Variants in PRKCE observed in about 807,000 individuals in gnomAD.
PRKCE encodes protein kinase C epsilon.
Under a neutral mutation model 85.4 loss-of-function variants are expected in PRKCE, and 16 were observed. The ratio of observed to expected loss-of-function variants is 0.19; its 90% CI spans 0.13 to 0.28. The LOEUF is 0.28. PRKCE is among the 10% of genes least tolerant of loss of function. The pLI, the probability that PRKCE is intolerant of heterozygous loss-of-function variation, is 1.00. For missense variants in PRKCE, 573 were observed against 975.2 expected (o/e 0.59, Z 5.49); for synonymous variants, 388 against 371.5 (o/e 1.04, Z -0.51).
intron 1 of PRKCE, among the ~76,000 whole-genome samples, chr2:45,805,596 CTTTTTTT>C (rs529307964): frequency 7.0e-6 from 1 of 142,606 alleles, no homozygotes; most frequent in Non-Finnish European, 1.5e-5. Flanking sequence ...TTACCTTCCT[CTTTTTTT>C]TTTTTTTTGT....
At chr2:45,699,837 G>A (rs1296843941) in intron 1 of PRKCE, among the ~76,000 whole-genome samples, 1 of 152,140 alleles carries the variant, frequency 6.6e-6, no homozygotes, top group African/African-American at 2.4e-5. Flanking sequence ...TTGGAATCCC[G>A]GAAGGCACCA....
intron 4 of PRKCE, 126 bp from the exon 5 acceptor site, chr2:45,980,170 A>G: frequency 1.3e-6 from 1 of 759,484 alleles, no homozygotes; most frequent in Non-Finnish European, 2.1e-6. Context: ...GGAGGGTATT[A>G]AATTAAGGCT....
intron 2 of PRKCE, among the ~76,000 whole-genome samples, chr2:45,958,153 A>T (rs956760177): frequency 7.0e-6 from 1 of 142,440 alleles, no homozygotes; most frequent in Non-Finnish European, 1.5e-5. Context: ...GAAAATGGTG[A>T]TGGAGTTATA....
In PRKCE at chr2:45,903,907, G is replaced by GT. The variant is rs1375771003; in HGVS notation, c.412+60847dup. Among the ~76,000 whole-genome samples the GT allele has an allele frequency of 9.7e-3, 794 of 82,022 alleles. 32 individuals carry two copies. Among genetic ancestry groups the GT allele is most frequent in the African/African-American group, 0.028 (727 of 26,324 alleles). The allele number at this position is 82,022 out of a possible 152,430, so 53.8% of individuals were successfully genotyped here. ...TTTTTTTTTGTTTGTTTGTTTGTTT[G>GT]TTTGTTTGTTTTTTTTGGCAGGGTC... On this transcript the variant is annotated intron_variant, in intron 2 of 14. Coordinates refer to ENST00000306156, the MANE Select transcript of PRKCE (RefSeq NM_005400.3).
intron 13 of PRKCE, among the ~76,000 whole-genome samples, chr2:46,157,950 T>TAGA (rs1677378367): frequency 6.6e-6 from 1 of 152,214 alleles, no homozygotes; most frequent in African/African-American, 2.4e-5. Context: ...ATTTGTATCA[T>TAGA]AGAAGTATGC....
At chr2:46,051,650 G>C (rs996589721) in intron 10 of PRKCE, among the ~76,000 whole-genome samples, 2 of 152,184 alleles carry the variant, frequency 1.3e-5, no homozygotes, top group Middle Eastern at 3.4e-3. Flanking sequence ...CCACTTACAG[G>C]TATTGTTTTC....
chr2:45,659,837 CTTT>C (rs539573873), intron 1 of PRKCE, among the ~76,000 whole-genome samples: 1 of 143,402 alleles, frequency 7.0e-6, no homozygotes. Context: ...CCTTTCCTGC[CTTT>C]TTTTTTTTTT....
At chr2:45,686,907 G>T (rs1054356690) in intron 1 of PRKCE, among the ~76,000 whole-genome samples, 1 of 152,060 alleles carries the variant, frequency 6.6e-6, no homozygotes, top group Non-Finnish European at 1.5e-5. Flanking sequence ...GGACAACTGG[G>T]TGGCCTTCTG....
At chr2:46,069,240 G>C (rs889928732) in intron 10 of PRKCE, among the ~76,000 whole-genome samples, 3 of 152,132 alleles carry the variant, frequency 2.0e-5, no homozygotes, top group African/African-American at 7.2e-5. Flanking sequence ...CTTACCTGTT[G>C]CTCACCACCT....
chr2:45,980,237 T>C (rs146324863), intron 4 of PRKCE, 59 bp from the exon 5 acceptor site: 1 of 1,535,128 alleles, frequency 6.5e-7, no homozygotes, highest in African/African-American at 1.4e-5. Flanking sequence ...GAATAGATCC[T>C]GGGAGGGACA....
chr2:45,842,868 A>G (rs1691472446), intron 1 of PRKCE, 132 bp from the exon 2 acceptor site: 4 of 814,082 alleles, frequency 4.9e-6, no homozygotes, highest in Middle Eastern at 2.3e-4. Flanking sequence ...CTAGCACTCA[A>G]CACATTGTAG....
intron 2 of PRKCE, among the ~76,000 whole-genome samples, chr2:45,951,885 C>G (rs1700646553): frequency 6.6e-6 from 1 of 152,146 alleles, no homozygotes; most frequent in Non-Finnish European, 1.5e-5. Flanking sequence ...CAGGCTGGAG[C>G]ACAGGGGCGC....
At chr2:45,865,972 C>T (rs983278915) in intron 2 of PRKCE, among the ~76,000 whole-genome samples, 5 of 152,050 alleles carry the variant, frequency 3.3e-5, no homozygotes, top group African/African-American at 1.2e-4. Flanking sequence ...TGCATGCCAC[C>T]ACACCCAGCT....
chr2:45,851,930 G>C (rs1425242679), intron 2 of PRKCE: 1 of 152,302 alleles, frequency 6.6e-6, no homozygotes, highest in Non-Finnish European at 1.5e-5. Context: ...AGGTGGGCCA[G>C]GTGGCCTGGG....
intron 10 of PRKCE, among the ~76,000 whole-genome samples, chr2:46,043,025 A>G (rs1248827271): frequency 5.9e-5 from 9 of 152,116 alleles, no homozygotes; most frequent in Admixed American, 5.9e-4. Flanking sequence ...TTGTAACTTC[A>G]TTCTACACTC....
At chr2:45,984,754 TA>T (rs901912441) in intron 6 of PRKCE, 74 bp downstream of exon 6, 14 of 1,533,342 alleles carry the variant, frequency 9.1e-6, no homozygotes, top group Non-Finnish European at 1.1e-5. Flanking sequence ...CCCTGCTTTA[TA>T]AAAAACCCTT....
chr2:45,808,156 C>G (rs905726271), intron 1 of PRKCE, among the ~76,000 whole-genome samples: 1 of 152,078 alleles, frequency 6.6e-6, no homozygotes, highest in Non-Finnish European at 1.5e-5. Flanking sequence ...GTTAACTGGT[C>G]TTTTCCCCCA....
chr2:45,794,262 G>A (rs75226969), intron 1 of PRKCE, among the ~76,000 whole-genome samples: 4,481 of 152,142 alleles, frequency 0.029, 234 homozygotes, highest in African/African-American at 0.1. Context: ...ATCCTTTTCA[G>A]AAACACATAC....
At chr2:45,955,009 T>C (rs997516377) in intron 2 of PRKCE, among the ~76,000 whole-genome samples, 6 of 152,094 alleles carry the variant, frequency 3.9e-5, no homozygotes. Flanking sequence ...GCAAAATAAA[T>C]CTTAAGGGCT....
Sources: gnomAD v4.1 joint callset for allele counts (sites outside exome capture counted in the v4.1 genomes callset) on GRCh38, gnomAD v4.1.1 for gene constraint, MANE v1.5 for transcripts, NCBI Gene and HGNC (gene_info 2026-07-23, HGNC 2026-07-21) for gene names.